The following LRRTM4 variants were observed in gnomAD, a reference collection of about 807,000 sequenced individuals.
LRRTM4 encodes the protein leucine-rich repeat transmembrane neuronal protein 4.
Under a neutral mutation model 47.6 loss-of-function variants are expected in LRRTM4, and 25 were observed. The observed-to-expected ratio is 0.53, with a 90% CI of 0.38 to 0.73. The LOEUF (loss-of-function observed/expected upper bound fraction) is 0.73. Among genes scored for constraint, LRRTM4 ranks in the 30% least tolerant of loss-of-function variants. The pLI is 0.00. For missense variants in LRRTM4, 638 were observed against 713.4 expected (o/e 0.89, Z 1.20); for synonymous variants, 311 against 269.5 (o/e 1.15, Z -1.51).
At chr2:77,225,277 T>C (rs1674771718) in intron 3 of LRRTM4, among the ~76,000 whole-genome samples, 1 of 149,908 alleles carries the variant, frequency 6.7e-6, no homozygotes, top group Non-Finnish European at 1.5e-5. Context: ...GATGAGTTAA[T>C]GGGTGCAGCA....
At chr2:77,252,298 T>A (rs1675640571) in intron 3 of LRRTM4, among the ~76,000 whole-genome samples, 1 of 152,180 alleles carries the variant, frequency 6.6e-6, no homozygotes, top group Admixed American at 6.5e-5. Context: ...TTGGCATATA[T>A]GGTACCCTAC....
At chr2:77,463,787 G>C (rs916042922) in intron 3 of LRRTM4, among the ~76,000 whole-genome samples, 9 of 151,998 alleles carry the variant, frequency 5.9e-5, no homozygotes, top group African/African-American at 2.2e-4. Context: ...GTGATATATC[G>C]AATAGTGTTA....
intron 3 of LRRTM4, among the ~76,000 whole-genome samples, chr2:76,781,563 C>G (rs1003801138): frequency 1.5e-4 from 22 of 151,342 alleles, no homozygotes; most frequent in Admixed American, 1.4e-3. Flanking sequence ...AAGGGAACTC[C>G]GTGACCCCTT....
intron 3 of LRRTM4, among the ~76,000 whole-genome samples, chr2:76,795,966 T>C (rs111565427): frequency 0.44 from 63,626 of 142,984 alleles, 15,830 homozygotes; most frequent in East Asian, 0.66. Context: ...GCGCACCATG[T>C]GCGAGCCGAA....
At chr2:77,326,741 T>C (rs1021479585) in intron 3 of LRRTM4, among the ~76,000 whole-genome samples, 6 of 152,166 alleles carry the variant, frequency 3.9e-5, no homozygotes, top group African/African-American at 1.4e-4. Context: ...CCTCTCATCA[T>C]CTCTAAATTG....
chr2:77,503,456 A>G (rs1678649347), intron 3 of LRRTM4, among the ~76,000 whole-genome samples: 1 of 151,696 alleles, frequency 6.6e-6, no homozygotes, highest in South Asian at 2.1e-4. Flanking sequence ...TTTGGAAATG[A>G]CTTTAAGATG....
intron 3 of LRRTM4, among the ~76,000 whole-genome samples, chr2:76,853,208 T>C (rs1672050231): frequency 6.6e-6 from 1 of 152,036 alleles, no homozygotes; most frequent in African/African-American, 2.4e-5. Context: ...GGAGAATAAA[T>C]GGGGAGGGGC....
chr2:77,344,908 A>G (rs1210340282), intron 3 of LRRTM4, among the ~76,000 whole-genome samples: 1 of 151,608 alleles, frequency 6.6e-6, no homozygotes. Context: ...CCCAATCCTT[A>G]CCAGATTTCT....
chr2:77,255,884 C>T (rs974155259), intron 3 of LRRTM4, among the ~76,000 whole-genome samples: 5 of 151,756 alleles, frequency 3.3e-5, no homozygotes, highest in African/African-American at 4.8e-5. Context: ...GCAAAATAAA[C>T]CCAAAGTATT....
intron 3 of LRRTM4, among the ~76,000 whole-genome samples, chr2:77,186,960 C>A (rs1467190699): frequency 6.6e-6 from 1 of 152,138 alleles, no homozygotes; most frequent in African/African-American, 2.4e-5. Context: ...AAAAGACGAA[C>A]TAGGGCTAGA....
chr2:76,823,136 C>T (rs1343803642), intron 3 of LRRTM4, among the ~76,000 whole-genome samples: 1 of 151,082 alleles, frequency 6.6e-6, no homozygotes, highest in Non-Finnish European at 1.5e-5. Context: ...AAGAAAAGAT[C>T]ACATATTAAT....
chr2:76,923,698 C>T (rs1674503726), intron 3 of LRRTM4, among the ~76,000 whole-genome samples: 1 of 152,070 alleles, frequency 6.6e-6, no homozygotes, highest in South Asian at 2.1e-4. Flanking sequence ...GTCAATCCCA[C>T]TGTACTAGTA....
At position 77,519,328 on chromosome 2, in the gene LRRTM4, G is replaced by A. The variant is rs1679378806; in HGVS notation, c.541C>T (p.Arg181Trp). 3 of 1,613,268 alleles carry A rather than the reference G, an allele frequency of 1.9e-6. No individual in the cohort carries two copies. The highest frequency in any genetic ancestry group is 1.3e-5 in the African/African-American group (1 of 74,880). ...TVPIRVFQDC[R>W]NLDFLDLGYN... ...CCCAAATCCAAAAAATCAAGATTCC[G>A]ACAGTCTTGAAAAACTCTTATGGGC... The change falls in exon 3 of 4, where the codon CGG becomes TGG. Residue 181 changes from arginine (R) to tryptophan (W), a missense_variant. Arg to Trp is a moderately radical substitution (Grantham distance 101, BLOSUM62 -3). Transcript: ENST00000409884. This position sits in a 1 kb window ranked among gnomAD's most constrained non-coding sequence, Gnocchi z 4.6.
chr2:77,234,273 A>C (rs543271476), intron 3 of LRRTM4, among the ~76,000 whole-genome samples: 1 of 152,172 alleles, frequency 6.6e-6, no homozygotes, highest in Admixed American at 6.6e-5. Flanking sequence ...AGACCATTCA[A>C]ATGAATCTCA....
At chr2:77,077,346 A>T (rs1246005894) in intron 3 of LRRTM4, among the ~76,000 whole-genome samples, 2 of 152,150 alleles carry the variant, frequency 1.3e-5, no homozygotes, top group Non-Finnish European at 2.9e-5. Flanking sequence ...TAGTAAGACT[A>T]GCTTATTCCC....
chr2:77,400,570 A>G (rs1673911254), intron 3 of LRRTM4, among the ~76,000 whole-genome samples: 1 of 151,848 alleles, frequency 6.6e-6, no homozygotes, highest in Non-Finnish European at 1.5e-5. Flanking sequence ...TAGTCTCATG[A>G]TGATATAGAG....
intron 3 of LRRTM4, among the ~76,000 whole-genome samples, chr2:77,448,745 T>C (rs1432586505): frequency 6.6e-6 from 1 of 152,182 alleles, no homozygotes; most frequent in Non-Finnish European, 1.5e-5. Flanking sequence ...TGTAATATTT[T>C]ACTTTTATAA....
chr2:76,892,104 TAAAA>T (rs1307031357), intron 3 of LRRTM4, among the ~76,000 whole-genome samples: 39 of 151,812 alleles, frequency 2.6e-4, no homozygotes, highest in South Asian at 8.3e-4. Context: ...ATACAAAAAA[TAAAA>T]TAAATTTAAG....
At chr2:77,268,961 C>CT (rs951865312) in intron 3 of LRRTM4, among the ~76,000 whole-genome samples, 6 of 152,074 alleles carry the variant, frequency 3.9e-5, no homozygotes, top group Non-Finnish European at 5.9e-5. Flanking sequence ...CCAGAAATAC[C>CT]TTTTTTGCAC....
Sources: allele counts gnomAD v4.1 joint callset (sites outside exome capture counted in the v4.1 genomes callset), GRCh38; gene constraint gnomAD v4.1.1; non-coding constraint Gnocchi (gnomAD v3.1); transcripts MANE v1.5; gene names NCBI Gene and HGNC (gene_info 2026-07-23, HGNC 2026-07-21).